The following CDK19 variants were observed in gnomAD, a reference collection of about 807,000 sequenced individuals.
CDK19 encodes the protein cyclin dependent kinase 19, also known as cyclin-dependent kinase 19.
CDK19 carries 20 observed loss-of-function variants against 68.3 expected under a neutral mutation model. That is an observed-to-expected ratio of 0.29 (90% CI 0.21 to 0.43). The LOEUF is 0.43. CDK19 is among the 20% of genes least tolerant of loss of function. CDK19 has a pLI of 1.00. For missense variants in CDK19, 339 were observed against 623.5 expected (o/e 0.54, Z 4.86); for synonymous variants, 221 against 222.8 (o/e 0.99, Z 0.07).
At chr6:110,809,514 C>T (rs1156525837) in intron 1 of CDK19, among the ~76,000 whole-genome samples, 1 of 151,936 alleles carries the variant, frequency 6.6e-6, no homozygotes, top group Non-Finnish European at 1.5e-5. Context: ...GTGAGACAGT[C>T]TCAAGTGAAA....
intron 4 of CDK19, among the ~76,000 whole-genome samples, chr6:110,639,134 A>G (rs144054227): frequency 3.9e-4 from 59 of 152,386 alleles, no homozygotes; most frequent in African/African-American, 1.4e-3. Context: ...ACTACCGTAG[A>G]AAAACATGAT....
intron 5 of CDK19, among the ~76,000 whole-genome samples, chr6:110,636,931 C>G (rs187087351): frequency 1.3e-5 from 2 of 152,338 alleles, no homozygotes; most frequent in African/African-American, 2.4e-5. Context: ...GAAAGTCTGT[C>G]TTTCACAGAG....
intron 1 of CDK19, among the ~76,000 whole-genome samples, chr6:110,775,429 A>C (rs1028546977): frequency 6.6e-6 from 1 of 152,218 alleles, no homozygotes; most frequent in African/African-American, 2.4e-5. Flanking sequence ...AAAAGGAGAA[A>C]GTAGCACTGT....
chr6:110,649,693 G>A (rs1035239827), intron 4 of CDK19, among the ~76,000 whole-genome samples: 14 of 151,980 alleles, frequency 9.2e-5, no homozygotes, highest in African/African-American at 2.4e-4. Context: ...ATGTCTGAAC[G>A]GGCATTTAAC....
intron 1 of CDK19, chr6:110,814,585 G>A (rs1221746242): frequency 2.2e-6 from 1 of 458,752 alleles, no homozygotes. Context: ...CCCCCGCGAG[G>A]CGCTCAGCCG....
Position 110,613,782 on chromosome 6 carries a change from T to C in CDK19, c.*753A>G, listed in dbSNP as rs1263547568. 6.6e-6 allele frequency: 1 copy of C among 152,648 alleles called. No homozygotes were observed. Among genetic ancestry groups the C allele is most frequent in the Non-Finnish European group, 1.5e-5 (1 of 68,030 alleles). 9.5% of individuals were successfully genotyped at this position (152,648 alleles called of 1,614,324 possible). On this transcript the variant is annotated 3_prime_UTR_variant, in exon 13 of 13. Transcript: ENST00000368911. Reference sequence around the variant, plus strand: ...AGCTACATGAAGGTTAAAATTGTAATTCTTAATTACTGAATGCTATTCAGA... The same window carrying C: ...AGCTACATGAAGGTTAAAATTGTAACTCTTAATTACTGAATGCTATTCAGA...
At chr6:110,632,701 A>G (rs1171110661) in intron 5 of CDK19, among the ~76,000 whole-genome samples, 2 of 152,086 alleles carry the variant, frequency 1.3e-5, no homozygotes, top group African/African-American at 2.4e-5. Context: ...ACTGTACTCC[A>G]GCCTGGGCAA....
chr6:110,633,785 T>C (rs1446133466), intron 5 of CDK19, among the ~76,000 whole-genome samples: 2 of 152,214 alleles, frequency 1.3e-5, no homozygotes, highest in Non-Finnish European at 2.9e-5. Flanking sequence ...GTTTAATCAG[T>C]ATTTTGCTCC....
At chr6:110,805,806 T>C (rs1782639625) in intron 1 of CDK19, among the ~76,000 whole-genome samples, 1 of 152,242 alleles carries the variant, frequency 6.6e-6, no homozygotes, top group Non-Finnish European at 1.5e-5. Context: ...CTGACATAGA[T>C]TGCATTAAAA....
chr6:110,716,702 A>C (rs1012776950), intron 2 of CDK19, among the ~76,000 whole-genome samples: 6 of 152,218 alleles, frequency 3.9e-5, no homozygotes, highest in African/African-American at 1.4e-4. Context: ...ATATAGATAT[A>C]GATATATAGA....
At position 110,694,074 on chromosome 6, in the gene CDK19, G is replaced by GAA. The variant is rs778030187; in HGVS notation, c.205-23535_205-23534dup. Among the ~76,000 whole-genome samples, 800 of 102,922 alleles carry GAA rather than the reference G, an allele frequency of 7.8e-3. 26 individuals carry two copies. The East Asian group carries it at 0.084, about 11-fold the overall frequency. The allele number at this position is 102,922 out of a possible 152,430, so 67.5% of individuals were successfully genotyped here. A position where few individuals can be genotyped will look rare whatever the true frequency, so the allele number is the denominator to read the frequency against. Reference sequence around the variant, plus strand: ...AGGGCCTACAAAACAATAACACAATGAAAAAAAAAAAAAAAACAAGGTGTT... The same window carrying GAA: ...AGGGCCTACAAAACAATAACACAATGAAAAAAAAAAAAAAAAAACAAGGTGTT... On this transcript the variant is annotated intron_variant, in intron 2 of 12. Transcript: ENST00000368911.
intron 2 of CDK19, among the ~76,000 whole-genome samples, chr6:110,731,554 A>G (rs1255580624): frequency 1.3e-5 from 2 of 152,212 alleles, no homozygotes; most frequent in African/African-American, 2.4e-5. Context: ...AAACACTAAA[A>G]ATGAATGGAT....
At chr6:110,786,780 T>TC (rs1781258239) in intron 1 of CDK19, among the ~76,000 whole-genome samples, 1 of 152,074 alleles carries the variant, frequency 6.6e-6, no homozygotes, top group South Asian at 2.1e-4. Context: ...GCAAGGTACT[T>TC]CCTTAGGGAA....
At chr6:110,810,960 G>C (rs1425306862) in intron 1 of CDK19, among the ~76,000 whole-genome samples, 3 of 152,106 alleles carry the variant, frequency 2.0e-5, no homozygotes, top group African/African-American at 7.2e-5. Context: ...CTGGAGGTAA[G>C]ATGGCCTTTT....
chr6:110,695,526 CA>C (rs1177434791), intron 2 of CDK19, among the ~76,000 whole-genome samples: 3 of 151,536 alleles, frequency 2.0e-5, no homozygotes, highest in Non-Finnish European at 4.4e-5. Context: ...AAAATTGAAA[CA>C]AAAAAATTTA....
intron 4 of CDK19, among the ~76,000 whole-genome samples, chr6:110,665,421 T>C (rs1369634305): frequency 6.6e-6 from 1 of 152,084 alleles, no homozygotes; most frequent in African/African-American, 2.4e-5. Context: ...GAGAGGACAC[T>C]AAAGCAGCAG....
intron 12 of CDK19, among the ~76,000 whole-genome samples, chr6:110,620,656 A>G (rs2691193): frequency 0.53 from 81,047 of 151,990 alleles, 22,890 homozygotes; most frequent in East Asian, 0.88. Context: ...TTATTTCAGA[A>G]AAGCCTCAGT....
At chr6:110,671,680 G>A (rs1301797306) in intron 2 of CDK19, among the ~76,000 whole-genome samples, 1 of 152,152 alleles carries the variant, frequency 6.6e-6, no homozygotes, top group African/African-American at 2.4e-5. Flanking sequence ...TACAGCTAAA[G>A]TTCATGTCTT....
At chr6:110,698,625 A>C (rs1467365079) in intron 2 of CDK19, among the ~76,000 whole-genome samples, 1 of 152,224 alleles carries the variant, frequency 6.6e-6, no homozygotes, top group Non-Finnish European at 1.5e-5. Context: ...GCATAGATCC[A>C]CCATTCAATC....
Sources: allele counts gnomAD v4.1 joint callset (sites outside exome capture counted in the v4.1 genomes callset), GRCh38; gene constraint gnomAD v4.1.1; transcripts MANE v1.5; gene names NCBI Gene and HGNC (gene_info 2026-07-23, HGNC 2026-07-21).